PUS7L: variants seen among roughly 807,000 people sequenced by gnomAD.
PUS7L encodes the protein pseudouridine synthase 7 like.
PUS7L carries 49 observed loss-of-function variants against 51.1 expected under a neutral mutation model. The observed-to-expected ratio is 0.96, with a 90% CI of 0.76 to 1.22. PUS7L has a LOEUF of 1.22. Among genes scored for constraint, PUS7L ranks in the 50% most tolerant of loss-of-function variants. PUS7L has a pLI of 0.00. For missense variants in PUS7L, 828 were observed against 820.6 expected, an observed-to-expected ratio of 1.01 and a Z score of -0.11; for synonymous variants, 277 against 276.2, an observed-to-expected ratio of 1.00 and a Z score of -0.03.
intron 2 of PUS7L, among the ~76,000 whole-genome samples, chr12:43,753,162 T>C (rs1382375647): frequency 6.6e-6 from 1 of 152,192 alleles, no homozygotes; most frequent in Non-Finnish European, 1.5e-5. Context: ...AAAATGGATA[T>C]ATCTGTTAAC....
chr12:43,720,165 T>C lies in PUS7L; in HGVS notation c.*10211A>G, dbSNP rs1269616828. 6.6e-6 allele frequency: 1 copy of C among 152,230 alleles called. No homozygotes were observed. Among genetic ancestry groups the C allele is most frequent in the Non-Finnish European group, 1.5e-5 (1 of 68,036 alleles). 9.4% of individuals were successfully genotyped at this position (152,230 alleles called of 1,614,324 possible). On this transcript the variant is annotated 3_prime_UTR_variant, in exon 9 of 9. Transcript: ENST00000344862. ...TTTAATATCATTGACTTAAAAATAT[T>C]TTCTAATTTCATTTTGTCTTACTTG...
chr12:43,721,021 T>A lies in PUS7L; in HGVS notation c.*9355A>T, dbSNP rs927320260. On this transcript the variant is annotated 3_prime_UTR_variant, in exon 9 of 9. Coordinates refer to ENST00000344862, the MANE Select transcript of PUS7L (RefSeq NM_031292.5). ...TGCTTAGTACACAGTACTCAATGATTGATAGCTATTGTCATTACAACACTT... is the reference window on the plus strand; with the variant it reads ...TGCTTAGTACACAGTACTCAATGATAGATAGCTATTGTCATTACAACACTT... 3 of 152,212 alleles carry A rather than the reference T, an allele frequency of 2.0e-5. No homozygotes were observed. The highest frequency in any genetic ancestry group is 7.2e-5 in the African/African-American group (3 of 41,462). 9.4% of individuals were successfully genotyped at this position (152,212 alleles called of 1,614,324 possible). A position where few individuals can be genotyped will look rare whatever the true frequency, so the allele number is the denominator to read the frequency against.
Position 43,730,600 on chromosome 12 carries a change from A to G in PUS7L, c.1882T>C (p.Phe628Leu). 5 of 1,613,636 alleles carry G rather than the reference A, an allele frequency of 3.1e-6. No individual in the cohort carries two copies. The highest frequency in any genetic ancestry group is 4.2e-6 in the Non-Finnish European group (5 of 1,179,682). ...TTCAGTTTCAGAGTAGGTACTTTAA[A>G]CCTACATGTCTGTAGTCCATCTCTG... ...LSRDGLQTCR[F>L]KVPTLKLNIP... is the part of the protein sequence containing the mutation. The change falls in exon 9 of 9, where the codon TTT (phenylalanine) becomes CTT (leucine). Residue 628 changes from phenylalanine (F) to leucine (L), a missense_variant. Coordinates refer to ENST00000344862, the MANE Select transcript of PUS7L (RefSeq NM_031292.5).
Position 43,748,557 on chromosome 12 carries a change from T to TA in PUS7L, c.962dup (p.Leu321PhefsTer13). On this transcript the variant is annotated frameshift_variant, in exon 3 of 9. Coordinates refer to ENST00000344862, the MANE Select transcript of PUS7L (RefSeq NM_031292.5). LOFTEE classifies it high-confidence loss of function. Reference sequence around the variant, plus strand: ...AAGGAATAACACCAAGTTTGATAGCTAAAAAACCAATCGCTTCAAACATTT... The same window carrying TA: ...AAGGAATAACACCAAGTTTGATAGCTAAAAAAACCAATCGCTTCAAACATTT... The TA allele has an allele frequency of 6.2e-7, 1 of 1,608,456 alleles. No individual in the cohort carries two copies. The highest frequency in any genetic ancestry group is 2.2e-5 in the East Asian group (1 of 44,800).
At position 43,730,170 on chromosome 12, in the gene PUS7L, G is replaced by A. The variant is rs1944516129; in HGVS notation, c.*206C>T. 1.9e-6 allele frequency: 1 copy of A among 531,212 alleles called. No individual in the cohort carries two copies. The highest frequency in any genetic ancestry group is 3.3e-6 in the Non-Finnish European group (1 of 298,904). The allele number at this position is 531,212 out of a possible 1,614,324, so 32.9% of individuals were successfully genotyped here. On this transcript the variant is annotated 3_prime_UTR_variant, in exon 9 of 9. Coordinates refer to ENST00000344862, the MANE Select transcript of PUS7L (RefSeq NM_031292.5). ...ATAATAGAAAAAAAACACAGGCTTT[G>A]GGGTCACATGGACCTTAAATTTGGA...
chr12:43,742,678 A>G, intron 4 of PUS7L, 123 bp from the exon 5 acceptor site: 2 of 1,314,954 alleles, frequency 1.5e-6, no homozygotes, highest in Non-Finnish European at 1.9e-6. Context: ...AGCAGTATAC[A>G]CATAGGGACC....
At chr12:43,735,345 T>A (rs1158413387) in intron 7 of PUS7L, among the ~76,000 whole-genome samples, 2 of 149,562 alleles carry the variant, frequency 1.3e-5, no homozygotes, top group Non-Finnish European at 1.5e-5. Flanking sequence ...AAAATAAAAA[T>A]AAATAAATAA....
At chr12:43,738,146 GA>G (rs1370066680) in intron 6 of PUS7L, 163 bp downstream of exon 6, 1 of 529,950 alleles carries the variant, frequency 1.9e-6, no homozygotes, top group African/African-American at 2.0e-5. Flanking sequence ...GACCAAAAAC[GA>G]AGTGAGTGCC....
chr12:43,745,446 T>C (rs1938117482), intron 4 of PUS7L, among the ~76,000 whole-genome samples: 2 of 152,184 alleles, frequency 1.3e-5, no homozygotes, highest in South Asian at 4.1e-4. Context: ...GTTCTCACAA[T>C]ATTTGATGGT....
In PUS7L at chr12:43,742,565, C is replaced by A; in HGVS notation, c.1264-10G>T. 6.4e-7 allele frequency: 1 copy of A among 1,565,542 alleles called. No homozygotes were observed. The highest frequency in any genetic ancestry group is 8.7e-7 in the Non-Finnish European group (1 of 1,155,844). On this transcript the variant is annotated splice_polypyrimidine_tract_variant and intron_variant, in intron 4 of 8. Transcript: ENST00000344862. ...TCACAAAGCCTTTTTTCTATGTATA[C>A]AAAATAATCAACAAATTAAGAGTAT...
At chr12:43,741,878 C>G (rs1026297929) in intron 5 of PUS7L, among the ~76,000 whole-genome samples, 1 of 152,056 alleles carries the variant, frequency 6.6e-6, no homozygotes, top group Admixed American at 6.5e-5. Flanking sequence ...TGCATTTGTT[C>G]AAATATATAA....
rs971235127 is a variant in PUS7L at position 43,722,553 on chromosome 12, C to T, written c.*7823G>A. ...TATTTACATAGAATAAAAATGTATT[C>T]GATTCCTTTGCGATATTTTATAGAA... On this transcript the variant is annotated 3_prime_UTR_variant, in exon 9 of 9. Transcript: ENST00000344862. The T allele has an allele frequency of 2.0e-5, 3 of 151,876 alleles. No homozygotes were observed. Among genetic ancestry groups the T allele is most frequent in the Non-Finnish European group, 4.4e-5 (3 of 67,906 alleles). 9.4% of individuals were successfully genotyped at this position (151,876 alleles called of 1,614,324 possible).
chr12:43,747,995 G>C (rs919438281), intron 3 of PUS7L, among the ~76,000 whole-genome samples: 40 of 152,052 alleles, frequency 2.6e-4, no homozygotes, highest in Non-Finnish European at 4.0e-4. Context: ...CACCATGTTG[G>C]CCAGGCTGGT....
In PUS7L at chr12:43,721,601, A is replaced by T. The variant is rs1262708176; in HGVS notation, c.*8775T>A. ...GGTATAAAGATCAATGCTCTTGAATAATTCACAGTAGATGATCCAGATATT... is the reference window on the plus strand; with the variant it reads ...GGTATAAAGATCAATGCTCTTGAATTATTCACAGTAGATGATCCAGATATT... On this transcript the variant is annotated 3_prime_UTR_variant, in exon 9 of 9. Coordinates refer to ENST00000344862, the MANE Select transcript of PUS7L (RefSeq NM_031292.5). The T allele has an allele frequency of 6.6e-6, 1 of 152,190 alleles. No individual in the cohort carries two copies. Among genetic ancestry groups the T allele is most frequent in the East Asian group, 1.9e-4 (1 of 5,196 alleles). The allele number at this position is 152,190 out of a possible 1,614,324, so 9.4% of individuals were successfully genotyped here. A position where few individuals can be genotyped will look rare whatever the true frequency, so the allele number is the denominator to read the frequency against.
rs1223705200 is a variant in PUS7L, at chr12:43,728,116, T to G, written c.*2260A>C. 1 of 150,912 alleles carries G rather than the reference T, an allele frequency of 6.6e-6. No individual in the cohort carries two copies. The highest frequency in any genetic ancestry group is 1.9e-4 in the East Asian group (1 of 5,176). 9.3% of individuals were successfully genotyped at this position (150,912 alleles called of 1,614,324 possible). On this transcript the variant is annotated 3_prime_UTR_variant, in exon 9 of 9. Coordinates refer to ENST00000344862, the MANE Select transcript of PUS7L (RefSeq NM_031292.5). ...AAGGTCTGAAATGCCCCAGCAAAAC[T>G]GCAAAAACCTAAGTGACTAGTCATC... is the stretch of plus-strand genomic sequence containing the variant.
intron 7 of PUS7L, among the ~76,000 whole-genome samples, chr12:43,734,082 G>A (rs1249163664): frequency 6.6e-6 from 1 of 152,150 alleles, no homozygotes; most frequent in East Asian, 1.9e-4. Flanking sequence ...ATGTGGATTA[G>A]GGTCCCAGGA....
chr12:43,750,920 G>A (rs1009292168), intron 2 of PUS7L, among the ~76,000 whole-genome samples: 3 of 152,186 alleles, frequency 2.0e-5, no homozygotes, highest in African/African-American at 7.2e-5. Context: ...AAGCTTTGTA[G>A]AGAAGAAGTT....
At chr12:43,730,736 AGCCTTC>A (rs1219595995) in intron 8 of PUS7L, 34 bp from the exon 9 acceptor site, 1 of 1,396,722 alleles carries the variant, frequency 7.2e-7, no homozygotes, top group Admixed American at 1.9e-5. Flanking sequence ...ATATGAAAAT[AGCCTTC>A]AAAAAGATAC....
chr12:43,757,460 C>T (rs1044814699), intron 1 of PUS7L, among the ~76,000 whole-genome samples: 7 of 152,120 alleles, frequency 4.6e-5, no homozygotes, highest in African/African-American at 1.4e-4. Context: ...CGTGAGCCAC[C>T]GTGCCCAGCA....
Sources: gnomAD v4.1 joint callset for allele counts (sites outside exome capture counted in the v4.1 genomes callset) on GRCh38, gnomAD v4.1.1 for gene constraint, MANE v1.5 for transcripts, NCBI Gene and HGNC (gene_info 2026-07-23, HGNC 2026-07-21) for gene names.